Variants in FBXO34 observed in about 807,000 individuals in gnomAD.
FBXO34 encodes the protein F-box protein 34, also known as F-box only protein 34.
Under a neutral mutation model 24.5 loss-of-function variants are expected in FBXO34, and 12 were observed. The ratio of observed to expected loss-of-function variants is 0.49; its 90% CI spans 0.31 to 0.79. FBXO34 has a LOEUF of 0.79. Among genes scored for constraint, FBXO34 ranks in the 30% least tolerant of loss-of-function variants. The pLI is 0.04. For synonymous variants in FBXO34, 320 were observed against 311.9 expected (o/e 1.03, Z -0.27); for missense variants, 823 against 857.7 (o/e 0.96, Z 0.51).
chr14:55,305,567 G>A (rs143048189), intron 1 of FBXO34, among the ~76,000 whole-genome samples: 3 of 151,376 alleles, frequency 2.0e-5, no homozygotes, highest in Non-Finnish European at 4.4e-5. Flanking sequence ...GTGGTAGTGC[G>A]TGTCTGTAGT....
At chr14:55,327,830 C>G (rs1371442888) in intron 1 of FBXO34, among the ~76,000 whole-genome samples, 1 of 148,378 alleles carries the variant, frequency 6.7e-6, no homozygotes, top group African/African-American at 2.5e-5. Flanking sequence ...TTTTTTCATT[C>G]GCAATTTTAT....
chr14:55,394,533 T>C, the FBXO34 span, among the ~76,000 whole-genome samples: 1 of 152,196 alleles, frequency 6.6e-6, no homozygotes, highest in African/African-American at 2.4e-5. Context: ...CTGTTACGCA[T>C]GTCCCACCAA....
At chr14:55,315,024 T>G (rs533206538) in intron 1 of FBXO34, among the ~76,000 whole-genome samples, 7 of 152,320 alleles carry the variant, frequency 4.6e-5, no homozygotes, top group African/African-American at 1.7e-4. Context: ...AGGATTTAGT[T>G]CTTTTTTCTC....
chr14:55,430,774 C>A, the FBXO34 span, among the ~76,000 whole-genome samples: 73 of 152,364 alleles, frequency 4.8e-4, no homozygotes, highest in African/African-American at 1.7e-3. Flanking sequence ...ACCCACTTCT[C>A]ACTCTTGAAA....
At chr14:55,370,198 A>T (rs151198431), downstream of FBXO34, among the ~76,000 whole-genome samples, 1 of 152,206 alleles carries the variant, frequency 6.6e-6, no homozygotes, top group Admixed American at 6.5e-5. Context: ...AAAAAAACCT[A>T]TTCACTGAGA....
the FBXO34 span, among the ~76,000 whole-genome samples, chr14:55,385,440 G>A: frequency 7.2e-4 from 110 of 152,246 alleles, no homozygotes; most frequent in Middle Eastern, 3.4e-3. Context: ...CTACAGGCAC[G>A]CGCCACCACG....
At chr14:55,398,172 C>T in the FBXO34 span, among the ~76,000 whole-genome samples, 1 of 151,932 alleles carries the variant, frequency 6.6e-6, no homozygotes, top group African/African-American at 2.4e-5. Context: ...AGGATGGTCT[C>T]GATCTCCTGA....
At chr14:55,372,656 CTCCTTCCTTCGCTCCTCCCTGCTCCCT>C (rs1789079482), downstream of FBXO34, among the ~76,000 whole-genome samples, 1 of 151,856 alleles carries the variant, frequency 6.6e-6, no homozygotes, top group Non-Finnish European at 1.5e-5. Flanking sequence ...CCACAGCTTG[CTCCTTCCTTCGCTCCTCCCTGCTCCCT>C]TCCTTCCTTC....
chr14:55,331,019 A>G (rs1883514985), intron 1 of FBXO34, among the ~76,000 whole-genome samples: 1 of 152,234 alleles, frequency 6.6e-6, no homozygotes, highest in African/African-American at 2.4e-5. Flanking sequence ...GATCTGTTTG[A>G]TAATTTAGCT....
intron 1 of FBXO34, among the ~76,000 whole-genome samples, chr14:55,317,043 G>A (rs1256863453): frequency 1.3e-5 from 2 of 152,132 alleles, no homozygotes; most frequent in African/African-American, 2.4e-5. Flanking sequence ...GAATTTTTCA[G>A]TATCTCTGTG....
chr14:55,332,849 G>A (rs1883644965), intron 1 of FBXO34, among the ~76,000 whole-genome samples: 1 of 152,156 alleles, frequency 6.6e-6, no homozygotes, highest in South Asian at 2.1e-4. Flanking sequence ...GAGATACTGA[G>A]GGGTACGAGG....
intron 1 of FBXO34, chr14:55,325,692 C>G (rs980053567): frequency 2.0e-5 from 3 of 152,304 alleles, no homozygotes; most frequent in Non-Finnish European, 4.4e-5. Flanking sequence ...TCAGGCTGGT[C>G]TTGAACTCCC....
chr14:55,422,539 G>A, the FBXO34 span, among the ~76,000 whole-genome samples: 3 of 152,002 alleles, frequency 2.0e-5, no homozygotes, highest in Admixed American at 6.5e-5. Context: ...GTGAGCCACC[G>A]CGCCCGGTCA....
chr14:55,298,633 C>A (rs914850134), intron 1 of FBXO34: 3 of 1,352,022 alleles, frequency 2.2e-6, no homozygotes, highest in African/African-American at 1.4e-5. Context: ...TGAAGGCTGG[C>A]GCGGCGAGCG....
At chr14:55,436,755 G>A in the FBXO34 span, 79 of 1,614,078 alleles carry the variant, frequency 4.9e-5, no homozygotes, top group South Asian at 5.8e-4. Context: ...CGTCCTGTTC[G>A]CTGGGTGATG....
At chr14:55,432,738 T>C in the FBXO34 span, among the ~76,000 whole-genome samples, 3 of 152,154 alleles carry the variant, frequency 2.0e-5, no homozygotes, top group South Asian at 2.1e-4. Context: ...GAGCGAGAAA[T>C]TGGCACAACT....
chr14:55,358,290 T>C (rs1428038863), downstream of FBXO34, among the ~76,000 whole-genome samples: 4 of 152,246 alleles, frequency 2.6e-5, no homozygotes, highest in Non-Finnish European at 5.9e-5. Context: ...AAGTCTGTGC[T>C]CCATGCAGGG....
rs139355633 is a variant in FBXO34 at position 55,301,512 on chromosome 14, A to G, written c.-11+29975A>G. 2.3e-4 allele frequency among the ~76,000 whole-genome samples: 35 copies of G among 152,256 alleles called. 1 individual carries two copies. In the East Asian group the frequency reaches 6.2e-3, roughly 27 times the overall value. ...CATTGTTAGGTTTATTTTCTTAAAC[A>G]TGAAGATAGTGAAGTACCATAGTTT... is the stretch of plus-strand genomic sequence containing the variant. On this transcript the variant is annotated intron_variant, in intron 1 of 1. Coordinates refer to ENST00000313833, the MANE Select transcript of FBXO34 (RefSeq NM_017943.4).
chr14:55,387,941 C>CA, the FBXO34 span, among the ~76,000 whole-genome samples: 1 of 152,190 alleles, frequency 6.6e-6, no homozygotes, highest in Non-Finnish European at 1.5e-5. Context: ...GGATTATAGG[C>CA]ATGAGCCACT....
Sources: gnomAD v4.1 joint callset for allele counts (sites outside exome capture counted in the v4.1 genomes callset) on GRCh38, gnomAD v4.1.1 for gene constraint, MANE v1.5 for transcripts, NCBI Gene and HGNC (gene_info 2026-07-23, HGNC 2026-07-21) for gene names.